The following CFI variants were observed in gnomAD, a reference collection of about 807,000 sequenced individuals.
The protein encoded by CFI is complement factor I.
A neutral mutation model predicts 78.8 loss-of-function variants in CFI; 66 were observed. The ratio of observed to expected loss-of-function variants is 0.84; its 90% CI spans 0.69 to 1.03. CFI has a LOEUF of 1.03. Ranked by LOEUF, CFI falls within the 50% of genes least tolerant of loss-of-function variation. The probability of loss-of-function intolerance (pLI) is 0.00; values close to 1 mark genes in which losing one functional copy is unlikely to be tolerated. For missense variants in CFI, 706 were observed against 704.5 expected, an observed-to-expected ratio of 1.00 and a Z score of -0.02; for synonymous variants, 250 against 232.6, an observed-to-expected ratio of 1.07 and a Z score of -0.68.
chr4:109,750,688 A>C (rs1239228808), intron 8 of CFI, among the ~76,000 whole-genome samples: 1 of 152,186 alleles, frequency 6.6e-6, no homozygotes. Context: ...TTAACATGTC[A>C]TGAAAATTTT....
intron 7 of CFI, 73 bp from the exon 8 acceptor site, chr4:109,752,576 A>C: frequency 1.6e-6 from 2 of 1,267,766 alleles, no homozygotes; most frequent in Non-Finnish European, 2.3e-6. Context: ...AAAATCATTT[A>C]AACACTGATT....
At position 109,780,175 on chromosome 4, in the gene CFI, A is replaced by AC. The variant is rs551524613; in HGVS notation, c.58-13352dup. 3.8e-3 allele frequency among the ~76,000 whole-genome samples: 577 copies of AC among 152,288 alleles called. 6 individuals carry two copies. The highest frequency in any genetic ancestry group is 0.013 in the African/African-American group (542 of 41,562). On this transcript the variant is annotated intron_variant, in intron 1 of 12. Transcript: ENST00000394634. ...TCTAATTAAATTAAAGAGCTTCTGC[A>AC]CAGGAAAAGAAACTACCATCAGAGT...
At chr4:109,749,690 A>G in intron 8 of CFI, 88 bp from the exon 9 acceptor site, 1 of 832,148 alleles carries the variant, frequency 1.2e-6, no homozygotes, top group Non-Finnish European at 2.1e-6. Flanking sequence ...CCACAAAAAC[A>G]GGAGAGTCAC....
At chr4:109,800,095 C>T (rs564360470) in intron 1 of CFI, among the ~76,000 whole-genome samples, 1 of 152,230 alleles carries the variant, frequency 6.6e-6, no homozygotes, top group Admixed American at 6.5e-5. Context: ...GCCATTTCCG[C>T]TGCCATCACT....
the CFI span, among the ~76,000 whole-genome samples, chr4:109,731,657 G>A: frequency 6.6e-6 from 1 of 152,158 alleles, no homozygotes; most frequent in African/African-American, 2.4e-5. Flanking sequence ...GCTCCTGGCT[G>A]GAGACTGCCT....
chr4:109,781,747 G>A (rs543646846), intron 1 of CFI, among the ~76,000 whole-genome samples: 1 of 152,184 alleles, frequency 6.6e-6, no homozygotes, highest in East Asian at 1.9e-4. Context: ...GAACACAGAA[G>A]CTAAAATCCT....
chr4:109,766,663 T>C lies in CFI; in HGVS notation c.219A>G (p.Ala73=), dbSNP rs146261138. The change falls in exon 2 of 13, where the codon GCA becomes GCG. Residue 73 remains alanine, a synonymous_variant. Coordinates refer to ENST00000394634, the MANE Select transcript of CFI (RefSeq NM_000204.5). ...LPYQCPKNGT[A]VCATNRRSFP... ...AGCTTCTCCTGTTAGTTGCACACAC[T>C]GCAGTGCCATTCTTTGGGCACTGAT... 6.2e-6 allele frequency: 10 copies of C among 1,614,212 alleles called. No homozygotes were observed. In the African/African-American group the frequency reaches 8.0e-5, roughly 13 times the overall value.
chr4:109,775,757 A>C (rs1197518436), intron 1 of CFI, among the ~76,000 whole-genome samples: 1 of 152,180 alleles, frequency 6.6e-6, no homozygotes. Flanking sequence ...GTAGGAGCTG[A>C]CTGACACCTC....
intron 11 of CFI, among the ~76,000 whole-genome samples, chr4:109,744,337 C>T (rs932041162): frequency 6.6e-6 from 1 of 152,132 alleles, no homozygotes; most frequent in African/African-American, 2.4e-5. Flanking sequence ...GTTTAATATA[C>T]TCCAGGAAAA....
Position 109,746,303 on chromosome 4 carries a change from T to C in CFI, c.1348A>G (p.Ile450Val). The C allele has an allele frequency of 6.2e-7, 1 of 1,614,220 alleles. No individual in the cohort carries two copies. Among genetic ancestry groups the C allele is most frequent in the Non-Finnish European group, 8.5e-7 (1 of 1,180,036 alleles). ...NKKDCELPRS[I>V]PACVPWSPYL... is the part of the protein sequence containing the mutation. ...GGAGACCAGGGGACACAGGCAGGGA[T>C]GGAACGAGGCAGCTCACAATCTTTT... Residue 450 changes from isoleucine to valine, a missense_variant, in exon 11 of 13, where the codon ATC becomes GTC. Physicochemically the swap from Ile to Val is conservative, Grantham distance 29. Transcript: ENST00000394634.
chr4:109,779,182 T>G (rs28860577), intron 1 of CFI, among the ~76,000 whole-genome samples: 53,270 of 151,674 alleles, frequency 0.35, 9,747 homozygotes, highest in East Asian at 0.44. Flanking sequence ...AGGAAAAGAG[T>G]AAGTCAAATT....
chr4:109,749,604 T>C lies in CFI; in HGVS notation c.941-2A>G. ...ATAATGATTTTATCCGTCTTCTTTC[T>C]TCAAGAAAGGAAGAGATTACATCAT... On this transcript the variant is annotated splice_acceptor_variant, in intron 8 of 12. Transcript: ENST00000394634. LOFTEE classifies it high-confidence loss of function. 6.4e-7 allele frequency: 1 copy of C among 1,562,620 alleles called. No homozygotes were observed. Among genetic ancestry groups the C allele is most frequent in the Non-Finnish European group, 8.8e-7 (1 of 1,133,232 alleles).
chr4:109,797,027 C>T (rs1357277055), intron 1 of CFI, among the ~76,000 whole-genome samples: 3 of 151,984 alleles, frequency 2.0e-5, no homozygotes, highest in Non-Finnish European at 4.4e-5. Flanking sequence ...TGATACAATC[C>T]CTACCAAAAT....
chr4:109,750,169 G>T (rs1724977826), intron 8 of CFI, among the ~76,000 whole-genome samples: 1 of 151,512 alleles, frequency 6.6e-6, no homozygotes, highest in South Asian at 2.1e-4. Context: ...GCTAATTTTT[G>T]TTTTTTTAGT....
chr4:109,760,461 GC>G, intron 5 of CFI, 61 bp downstream of exon 5: 1 of 1,490,178 alleles, frequency 6.7e-7, no homozygotes, highest in Non-Finnish European at 9.4e-7. Context: ...TAGTAAAGTT[GC>G]TTTTCCTCTT....
chr4:109,741,431 T>A, intron 12 of CFI: 1 of 821,370 alleles, frequency 1.2e-6, no homozygotes, highest in Non-Finnish European at 1.5e-6. Flanking sequence ...GACTGCCTAG[T>A]GCTTACTGAG....
downstream of CFI, among the ~76,000 whole-genome samples, chr4:109,740,511 T>G (rs952765875): frequency 6.6e-6 from 1 of 152,158 alleles, no homozygotes; most frequent in African/African-American, 2.4e-5. Flanking sequence ...CCAGTTTCCA[T>G]TTTATAGGTG....
At chr4:109,774,712 G>A (rs958842869) in intron 1 of CFI, among the ~76,000 whole-genome samples, 2 of 152,230 alleles carry the variant, frequency 1.3e-5, no homozygotes, top group Non-Finnish European at 2.9e-5. Flanking sequence ...TAGTAAAGGA[G>A]ACTGAGAATA....
intron 1 of CFI, among the ~76,000 whole-genome samples, chr4:109,792,537 C>T (rs1431868772): frequency 6.6e-6 from 1 of 152,122 alleles, no homozygotes; most frequent in African/African-American, 2.4e-5. Context: ...TGCATTCCAG[C>T]CTGGATGACT....
Sources: gnomAD v4.1 joint callset for allele counts (sites outside exome capture counted in the v4.1 genomes callset) on GRCh38, gnomAD v4.1.1 for gene constraint, MANE v1.5 for transcripts, NCBI Gene and HGNC (gene_info 2026-07-23, HGNC 2026-07-21) for gene names.